STOX2: variants seen among roughly 807,000 people sequenced by gnomAD.
STOX2 encodes the protein storkhead box 2, also known as storkhead-box protein 2.
Under a neutral mutation model 60.9 loss-of-function variants are expected in STOX2, and 28 were observed. The ratio of observed to expected loss-of-function variants is 0.46; its 90% CI spans 0.34 to 0.63. The LOEUF (loss-of-function observed/expected upper bound fraction) is 0.63. Among genes scored for constraint, STOX2 ranks in the 30% least tolerant of loss-of-function variants. The pLI, the probability that STOX2 is intolerant of heterozygous loss-of-function variation, is 0.01. For synonymous variants in STOX2, 472 were observed against 463.9 expected (o/e 1.02, Z -0.22); for missense variants, 1,024 against 1,187.7 (o/e 0.86, Z 2.03).
intron 1 of STOX2, among the ~76,000 whole-genome samples, chr4:183,951,283 G>A (rs1743082550): frequency 6.6e-6 from 1 of 151,526 alleles, no homozygotes; most frequent in Non-Finnish European, 1.5e-5. Context: ...GGATCACCTT[G>A]AGGCACTTTA....
chr4:184,017,172 G>C lies in STOX2; in HGVS notation c.2669G>C (p.Gly890Ala). Residue 890 changes from glycine to alanine, a missense_variant, in exon 4 of 4, where the codon GGT (glycine) becomes GCT (alanine). Around this residue, in one of 3 missense-constraint regions of STOX2, gnomAD observed 922 missense variants for 1,058.3 expected, o/e 0.87. Coordinates refer to ENST00000308497, the MANE Select transcript of STOX2 (RefSeq NM_020225.3). ...RQNPALSPAHGGAGPAFNFRA... is the reference protein window; with the variant it reads ...RQNPALSPAHAGAGPAFNFRA... ...AACCCCGCTTTGAGCCCGGCCCATG[G>C]TGGAGCTGGTCCAGCCTTCAACTTC... is the stretch of plus-strand genomic sequence containing the variant. 6.2e-7 allele frequency: 1 copy of C among 1,613,346 alleles called. No homozygotes were observed. The highest frequency in any genetic ancestry group is 1.3e-5 in the African/African-American group (1 of 75,038).
At chr4:183,894,625 A>G (rs1328773110) in intron 1 of STOX2, among the ~76,000 whole-genome samples, 1 of 151,938 alleles carries the variant, frequency 6.6e-6, no homozygotes, top group Non-Finnish European at 1.5e-5. Flanking sequence ...TTTTTGATAT[A>G]TGATTTTAAT....
At chr4:183,965,146 C>A (rs1743525919) in intron 1 of STOX2, among the ~76,000 whole-genome samples, 1 of 152,150 alleles carries the variant, frequency 6.6e-6, no homozygotes, top group African/African-American at 2.4e-5. Context: ...CTTTTAGCCA[C>A]TCATGGCACC....
intron 1 of STOX2, chr4:183,798,895 ATACTTT>A: frequency 6.3e-6 from 1 of 159,104 alleles, no homozygotes; most frequent in Non-Finnish European, 8.7e-6. Context: ...TTTGGGTTTT[ATACTTT>A]GAGTTTTTGT....
At chr4:183,995,072 A>G (rs1733271379) in intron 1 of STOX2, among the ~76,000 whole-genome samples, 1 of 152,144 alleles carries the variant, frequency 6.6e-6, no homozygotes, top group Admixed American at 6.5e-5. Flanking sequence ...GTACTTTAAG[A>G]TGAAATGACA....
intron 1 of STOX2, among the ~76,000 whole-genome samples, chr4:183,950,524 A>G (rs1018740089): frequency 7.9e-5 from 12 of 152,278 alleles, no homozygotes; most frequent in African/African-American, 2.6e-4. Flanking sequence ...AGATCAGGAG[A>G]GACAGGATGG....
In STOX2 at chr4:183,915,052, T is replaced by G. The variant is rs559260578; in HGVS notation, c.166+8096T>G. ...ACCTATCCCGTTGAAAAATTACGGC[T>G]TAGGTAACTCATACACACAGTCAAA... On this transcript the variant is annotated intron_variant, in intron 1 of 3. Transcript: ENST00000308497. 2.0e-5 allele frequency among the ~76,000 whole-genome samples: 3 copies of G among 152,358 alleles called. No homozygotes were observed. In the South Asian group the frequency reaches 6.2e-4, roughly 32 times the overall value.
intron 1 of STOX2, among the ~76,000 whole-genome samples, chr4:183,815,963 TGG>T: frequency 6.6e-6 from 1 of 152,370 alleles, no homozygotes; most frequent in South Asian, 2.1e-4. Context: ...CTTGCATACG[TGG>T]TTGGACACCT....
chr4:183,906,650 G>A lies in STOX2; in HGVS notation c.-141G>A. 1 of 938,736 alleles carries A rather than the reference G, an allele frequency of 1.1e-6. No individual in the cohort carries two copies. Among genetic ancestry groups the A allele is most frequent in the East Asian group, 2.8e-5 (1 of 35,096 alleles). 58.2% of individuals were successfully genotyped at this position (938,736 alleles called of 1,614,324 possible). On this transcript the variant is annotated 5_prime_UTR_variant, in exon 1 of 4. Coordinates refer to ENST00000308497, the MANE Select transcript of STOX2 (RefSeq NM_020225.3). ...GGGGAGGGCCGGACCCGCCGCTGGCGGTGTAGACGCCGACGAGGAGGGGCT... is the reference window on the plus strand; with the variant it reads ...GGGGAGGGCCGGACCCGCCGCTGGCAGTGTAGACGCCGACGAGGAGGGGCT...
In STOX2 at chr4:184,019,252, C is replaced by T. The variant is rs554328987; in HGVS notation, c.*1968C>T. 1 of 152,360 alleles carries T rather than the reference C, an allele frequency of 6.6e-6. No homozygotes were observed. Among genetic ancestry groups the T allele is most frequent in the South Asian group, 2.1e-4 (1 of 4,832 alleles). The allele number at this position is 152,360 out of a possible 1,614,324, so 9.4% of individuals were successfully genotyped here. On this transcript the variant is annotated 3_prime_UTR_variant, in exon 4 of 4. Coordinates refer to ENST00000308497, the MANE Select transcript of STOX2 (RefSeq NM_020225.3). ...GCTTAAGCCAGTTGGCTTTCAGTCT[C>T]ATGCCTTATTTCCTCCAAGGCATGC... is the stretch of plus-strand genomic sequence containing the variant.
chr4:183,913,666 G>T (rs1055300949), intron 1 of STOX2, among the ~76,000 whole-genome samples: 6 of 152,164 alleles, frequency 3.9e-5, no homozygotes, highest in African/African-American at 1.4e-4. Context: ...AGCTACTCGG[G>T]AGGCTGAGGC....
chr4:183,965,967 T>A (rs941249256), intron 1 of STOX2, among the ~76,000 whole-genome samples: 1 of 151,862 alleles, frequency 6.6e-6, no homozygotes, highest in African/African-American at 2.4e-5. Context: ...GGGGCAGGAT[T>A]TATGGGATAG....
chr4:183,853,889 C>T (rs559342438), intron 1 of STOX2: 2 of 152,300 alleles, frequency 1.3e-5, no homozygotes. Flanking sequence ...GGAGGAAACT[C>T]AGAAATTGGT....
chr4:184,008,452 A>G (rs1216322417), intron 2 of STOX2, among the ~76,000 whole-genome samples: 1 of 152,220 alleles, frequency 6.6e-6, no homozygotes. Context: ...TCACTCATGT[A>G]TTTATTAGGG....
chr4:183,983,500 G>A (rs1194432785), intron 1 of STOX2, among the ~76,000 whole-genome samples: 3 of 152,194 alleles, frequency 2.0e-5, no homozygotes, highest in Non-Finnish European at 4.4e-5. Context: ...TTTTCTCCCC[G>A]ACTGGTGCAG....
intron 1 of STOX2, among the ~76,000 whole-genome samples, chr4:183,863,877 A>T (rs1309383109): frequency 6.6e-6 from 1 of 152,154 alleles, no homozygotes; most frequent in Non-Finnish European, 1.5e-5. Flanking sequence ...AATGTTTTTG[A>T]TAGGTGTTCA....
intron 1 of STOX2, among the ~76,000 whole-genome samples, chr4:183,842,719 G>A (rs768490519): frequency 4.6e-5 from 7 of 152,094 alleles, no homozygotes; most frequent in Non-Finnish European, 7.4e-5. Flanking sequence ...TTTTCAGTCC[G>A]GTTTTGTGTG....
intron 1 of STOX2, among the ~76,000 whole-genome samples, chr4:183,874,980 TATATATATATATAA>T (rs1280156347): frequency 2.2e-5 from 2 of 91,320 alleles, no homozygotes; most frequent in African/African-American, 1.0e-4. Context: ...TATATATATA[TATATATATATATAA>T]AACTTAGAAT....
intron 1 of STOX2, among the ~76,000 whole-genome samples, chr4:183,966,220 A>G (rs978639549): frequency 6.6e-6 from 1 of 152,184 alleles, no homozygotes; most frequent in African/African-American, 2.4e-5. Flanking sequence ...TGTGGGGCAC[A>G]TAGCTGGGGA....
Sources: allele counts gnomAD v4.1 joint callset (sites outside exome capture counted in the v4.1 genomes callset), GRCh38; gene constraint gnomAD v4.1.1; regional missense constraint gnomAD v4.1.1; transcripts MANE v1.5; gene names NCBI Gene and HGNC (gene_info 2026-07-23, HGNC 2026-07-21).